PTPRT: variants seen among roughly 807,000 people sequenced by gnomAD.
The protein encoded by PTPRT is receptor-type tyrosine-protein phosphatase T.
A neutral mutation model predicts 176.8 loss-of-function variants in PTPRT; 56 were observed. The ratio of observed to expected loss-of-function variants is 0.32; its 90% confidence interval spans 0.26 to 0.40. PTPRT has a LOEUF of 0.40. Ranked by LOEUF, PTPRT falls within the 10% of genes least tolerant of loss-of-function variation. The pLI, the probability that PTPRT is intolerant of heterozygous loss-of-function variation, is 1.00. For missense variants in PTPRT, 1,540 were observed against 1,908.2 expected, an observed-to-expected ratio of 0.81 and a Z score of 3.60; for synonymous variants, 783 against 739.0, an observed-to-expected ratio of 1.06 and a Z score of -0.96.
At chr20:42,632,102 C>CA (rs906149580) in intron 7 of PTPRT, among the ~76,000 whole-genome samples, 7 of 152,076 alleles carry the variant, frequency 4.6e-5, no homozygotes, top group Admixed American at 3.3e-4. Context: ...CCCTAGAGAC[C>CA]AAAGCTCAGG....
chr20:42,711,800 C>T (rs1204306598), intron 6 of PTPRT, among the ~76,000 whole-genome samples: 1 of 151,378 alleles, frequency 6.6e-6, no homozygotes, highest in Admixed American at 6.6e-5. Context: ...TTACCTCCTG[C>T]ATCCTATCTA....
chr20:43,038,816 A>G (rs1161054032), intron 1 of PTPRT, among the ~76,000 whole-genome samples: 1 of 152,222 alleles, frequency 6.6e-6, no homozygotes, highest in African/African-American at 2.4e-5. Flanking sequence ...ATTAGAAAAT[A>G]TAACGGAAAC....
chr20:43,132,320 A>C (rs1456873868), intron 1 of PTPRT, among the ~76,000 whole-genome samples: 1 of 152,232 alleles, frequency 6.6e-6, no homozygotes, highest in Non-Finnish European at 1.5e-5. Context: ...ATAAGAAATC[A>C]ATTGCTTTTT....
At chr20:42,175,389 T>C (rs564586233) in intron 16 of PTPRT, among the ~76,000 whole-genome samples, 44 of 152,250 alleles carry the variant, frequency 2.9e-4, no homozygotes, top group Admixed American at 3.9e-4. Context: ...CTGGAGTGTT[T>C]ATAACTTTTC....
At chr20:43,088,785 G>C (rs1409578584) in intron 1 of PTPRT, among the ~76,000 whole-genome samples, 1 of 152,046 alleles carries the variant, frequency 6.6e-6, no homozygotes, top group African/African-American at 2.4e-5. Context: ...CTGGAAAAAT[G>C]CTCACCTCTG....
At chr20:42,850,782 C>A (rs1489684119) in intron 2 of PTPRT, among the ~76,000 whole-genome samples, 1 of 152,170 alleles carries the variant, frequency 6.6e-6, no homozygotes, top group Non-Finnish European at 1.5e-5. Flanking sequence ...TCCTGGAGCT[C>A]ACTTTGGAGC....
intron 7 of PTPRT, among the ~76,000 whole-genome samples, chr20:42,555,588 T>TGCATCCCG (rs1261170178): frequency 1.3e-5 from 2 of 152,174 alleles, no homozygotes; most frequent in African/African-American, 2.4e-5. Flanking sequence ...AAGATGACTA[T>TGCATCCCG]GCATCCCGGC....
At chr20:42,214,981 A>G (rs2055734499) in intron 15 of PTPRT, among the ~76,000 whole-genome samples, 1 of 152,260 alleles carries the variant, frequency 6.6e-6, no homozygotes, top group South Asian at 2.1e-4. Context: ...ATTATAATGA[A>G]TTCTCTTAGC....
Position 42,542,420 on chromosome 20 carries a change from A to G in PTPRT, c.1154-69858T>C, listed in dbSNP as rs928264448. Among the ~76,000 whole-genome samples, 8 of 152,318 alleles carry G rather than the reference A, an allele frequency of 5.3e-5. No homozygotes were observed. In the South Asian group the frequency reaches 1.7e-3, roughly 32 times the overall value. On this transcript the variant is annotated intron_variant, in intron 7 of 30. Coordinates refer to ENST00000373187, the MANE Select transcript of PTPRT (RefSeq NM_007050.6). Reference sequence around the variant, plus strand: ...GGGAAAAAAAATACAAATGACTCATAAACATTTGAAAAGATGGTCAAATTC... The same window carrying G: ...GGGAAAAAAAATACAAATGACTCATGAACATTTGAAAAGATGGTCAAATTC...
intron 1 of PTPRT, among the ~76,000 whole-genome samples, chr20:43,178,223 C>T (rs2015165234): frequency 6.6e-6 from 1 of 152,202 alleles, no homozygotes; most frequent in Non-Finnish European, 1.5e-5. Flanking sequence ...GCCTCTACTT[C>T]ATCCCAGACA....
intron 9 of PTPRT, among the ~76,000 whole-genome samples, chr20:42,362,736 G>T (rs2058447307): frequency 6.6e-6 from 1 of 152,120 alleles, no homozygotes; most frequent in Non-Finnish European, 1.5e-5. Flanking sequence ...GCTAACATAA[G>T]GGGAAGCCAG....
intron 7 of PTPRT, among the ~76,000 whole-genome samples, chr20:42,651,282 C>A (rs1489259768): frequency 6.6e-6 from 1 of 152,148 alleles, no homozygotes; most frequent in Non-Finnish European, 1.5e-5. Context: ...CATGGCCAAA[C>A]CCCTATTGCT....
chr20:42,536,992 A>G (rs759559653), intron 7 of PTPRT, among the ~76,000 whole-genome samples: 5 of 152,168 alleles, frequency 3.3e-5, no homozygotes, highest in Non-Finnish European at 5.9e-5. Flanking sequence ...ACCATGATAT[A>G]TCTCTTGTGT....
intron 12 of PTPRT, among the ~76,000 whole-genome samples, chr20:42,312,011 C>T (rs1314279851): frequency 6.6e-6 from 1 of 152,080 alleles, no homozygotes; most frequent in Non-Finnish European, 1.5e-5. Context: ...AATTATAGAT[C>T]CAGATTAGAA....
intron 7 of PTPRT, among the ~76,000 whole-genome samples, chr20:42,503,535 A>G (rs2071792311): frequency 6.6e-6 from 1 of 152,086 alleles, no homozygotes; most frequent in African/African-American, 2.4e-5. Flanking sequence ...TGATTAGAGA[A>G]TATAGTTTGT....
intron 1 of PTPRT, among the ~76,000 whole-genome samples, chr20:43,060,760 G>T (rs7260942): frequency 0.024 from 3,606 of 152,256 alleles, 102 homozygotes; most frequent in African/African-American, 0.07. Context: ...ACAAAATGTT[G>T]CACACTGTAG....
intron 13 of PTPRT, among the ~76,000 whole-genome samples, chr20:42,249,951 C>A (rs2056522180): frequency 6.6e-6 from 1 of 152,154 alleles, no homozygotes; most frequent in Admixed American, 6.5e-5. Flanking sequence ...AAGTGGGAAG[C>A]AGCTTAAAGT....
intron 1 of PTPRT, among the ~76,000 whole-genome samples, chr20:42,951,149 G>A (rs886715576): frequency 3.3e-5 from 5 of 151,394 alleles, no homozygotes; most frequent in East Asian, 1.9e-4. Flanking sequence ...GGTATTAATC[G>A]TGGATGTGTG....
At chr20:42,895,150 T>G (rs2079271987) in intron 1 of PTPRT, among the ~76,000 whole-genome samples, 1 of 152,144 alleles carries the variant, frequency 6.6e-6, no homozygotes, top group African/African-American at 2.4e-5. Flanking sequence ...AGGGCTGCTG[T>G]AAAAAAATGC....
Sources: gnomAD v4.1 joint callset for allele counts (sites outside exome capture counted in the v4.1 genomes callset) on GRCh38, gnomAD v4.1.1 for gene constraint, MANE v1.5 for transcripts, NCBI Gene and HGNC (gene_info 2026-07-23, HGNC 2026-07-21) for gene names.